PTPRD: variants seen among roughly 807,000 people sequenced by gnomAD.
PTPRD encodes protein tyrosine phosphatase receptor type D, also known as receptor-type tyrosine-protein phosphatase delta.
Under a neutral mutation model 214.5 loss-of-function variants are expected in PTPRD, and 34 were observed. The observed-to-expected ratio is 0.16, with a 90% CI of 0.12 to 0.21. The LOEUF (loss-of-function observed/expected upper bound fraction) is 0.21. Ranked by LOEUF, PTPRD falls within the 10% of genes least tolerant of loss-of-function variation. The pLI, the probability that PTPRD is intolerant of heterozygous loss-of-function variation, is 1.00. For synonymous variants in PTPRD, 1,128 were observed against 845.7 expected, an observed-to-expected ratio of 1.33 and a Z score of -5.79; for missense variants, 2,545 against 2,398.7, an observed-to-expected ratio of 1.06 and a Z score of -1.27.
chr9:8,723,306 ACACCTT>A (rs574541207), intron 12 of PTPRD, among the ~76,000 whole-genome samples: 1 of 152,060 alleles, frequency 6.6e-6, no homozygotes, highest in Non-Finnish European at 1.5e-5. Flanking sequence ...TCACTCAGTA[ACACCTT>A]CCTTGACATA....
chr9:8,553,973 G>A (rs1051287410), intron 14 of PTPRD, among the ~76,000 whole-genome samples: 1 of 152,118 alleles, frequency 6.6e-6, no homozygotes, highest in Admixed American at 6.5e-5. Flanking sequence ...CAGATCACGA[G>A]GTCAGGAGTT....
chr9:9,997,006 A>G (rs747290822), intron 4 of PTPRD, among the ~76,000 whole-genome samples: 8 of 152,218 alleles, frequency 5.3e-5, no homozygotes, highest in Non-Finnish European at 1.0e-4. Flanking sequence ...CTATCTTTGA[A>G]GAAGCCCAGG....
intron 39 of PTPRD, among the ~76,000 whole-genome samples, chr9:8,358,943 TA>T (rs1243127285): frequency 6.7e-6 from 1 of 150,088 alleles, no homozygotes; most frequent in Non-Finnish European, 1.5e-5. Flanking sequence ...CCGTCTCTAC[TA>T]AAAATACAAA....
At chr9:10,563,032 C>A (rs1036351939) in intron 2 of PTPRD, among the ~76,000 whole-genome samples, 2 of 152,176 alleles carry the variant, frequency 1.3e-5, no homozygotes, top group African/African-American at 4.8e-5. Context: ...GAGGCTACTA[C>A]AGAGCCTAGA....
chr9:8,638,953 C>A (rs1403501251), intron 12 of PTPRD, among the ~76,000 whole-genome samples: 1 of 152,180 alleles, frequency 6.6e-6, no homozygotes, highest in African/African-American at 2.4e-5. Context: ...AGCGATTCTC[C>A]TGCCTCAGCC....
chr9:9,921,698 C>T (rs560898119), intron 5 of PTPRD, among the ~76,000 whole-genome samples: 1 of 148,460 alleles, frequency 6.7e-6, no homozygotes, highest in South Asian at 2.1e-4. Context: ...TTTCCTTCTC[C>T]AAGCTTCAGA....
chr9:9,525,625 C>G (rs1487487464), intron 8 of PTPRD, among the ~76,000 whole-genome samples: 1 of 151,048 alleles, frequency 6.6e-6, no homozygotes, highest in African/African-American at 2.4e-5. Flanking sequence ...TTTTCAAATA[C>G]AAGTGATTAA....
chr9:8,832,005 CAGAT>C (rs1212179816), intron 11 of PTPRD, among the ~76,000 whole-genome samples: 1 of 151,946 alleles, frequency 6.6e-6, no homozygotes, highest in African/African-American at 2.4e-5. Context: ...AACAGCATGA[CAGAT>C]AAAAGGCAAC....
chr9:10,590,664 T>G (rs1039845465), intron 2 of PTPRD, among the ~76,000 whole-genome samples: 2 of 151,984 alleles, frequency 1.3e-5, no homozygotes, highest in Non-Finnish European at 2.9e-5. Flanking sequence ...TTTATTGCTG[T>G]ATAGTATTCC....
intron 11 of PTPRD, among the ~76,000 whole-genome samples, chr9:8,757,681 T>C (rs1265149421): frequency 1.0e-4 from 15 of 147,912 alleles, no homozygotes; most frequent in African/African-American, 1.5e-4. Flanking sequence ...CATATATATA[T>C]ATACATAAAA....
At chr9:10,125,772 G>C (rs188730279) in intron 3 of PTPRD, among the ~76,000 whole-genome samples, 60 of 151,934 alleles carry the variant, frequency 3.9e-4, no homozygotes, top group African/African-American at 1.4e-3. Context: ...GTGAGCCACC[G>C]CACCCATCTT....
intron 5 of PTPRD, among the ~76,000 whole-genome samples, chr9:9,821,392 T>C (rs571187832): frequency 3.3e-5 from 5 of 152,324 alleles, no homozygotes; most frequent in Non-Finnish European, 7.4e-5. Flanking sequence ...CATTTGTGTG[T>C]GGCTTTCCCT....
rs2135641101 is a variant in PTPRD at position 8,389,269 on chromosome 9, G to A, written c.4349C>T (p.Thr1450Ile). 3 of 1,612,180 alleles carry A rather than the reference G, an allele frequency of 1.9e-6. No individual in the cohort carries two copies. The highest frequency in any genetic ancestry group is 2.5e-6 in the Non-Finnish European group (3 of 1,179,040). The stretch of plus-strand genomic sequence containing the variant: ...TTCTAGTTTTGTCATCATGACAACT[G>A]TGGCACTCCGTTGTTCCCATATCAT... ...WRMIWEQRSA[T>I]VVMMTKLEER... Residue 1450 changes from threonine (T) to isoleucine (I), a missense_variant, in exon 37 of 46, where the codon ACA becomes ATA. Coordinates refer to ENST00000381196, the MANE Select transcript of PTPRD (RefSeq NM_002839.4).
At chr9:9,874,186 A>G (rs75287863) in intron 5 of PTPRD, among the ~76,000 whole-genome samples, 12,841 of 152,174 alleles carry the variant, frequency 0.084, 1,297 homozygotes, top group African/African-American at 0.25. Flanking sequence ...TGTCAAGGGG[A>G]CATGCCAGTG....
chr9:8,910,330 C>T (rs1200938361), intron 11 of PTPRD, among the ~76,000 whole-genome samples: 4 of 152,110 alleles, frequency 2.6e-5, no homozygotes, highest in Non-Finnish European at 2.9e-5. Flanking sequence ...AGCCACCGCA[C>T]CTGGCCTTTA....
intron 9 of PTPRD, among the ~76,000 whole-genome samples, chr9:9,339,542 A>G (rs527888300): frequency 1.7e-4 from 26 of 152,240 alleles, no homozygotes; most frequent in African/African-American, 5.8e-4. Context: ...TATTTCTATA[A>G]CCTGCAATAA....
At chr9:9,482,944 T>C (rs973519474) in intron 8 of PTPRD, among the ~76,000 whole-genome samples, 29 of 152,200 alleles carry the variant, frequency 1.9e-4, no homozygotes, top group Admixed American at 1.8e-3. Flanking sequence ...AATAGTTTCT[T>C]AAGTAAAGCC....
At chr9:9,228,532 C>G (rs1459532613) in intron 9 of PTPRD, among the ~76,000 whole-genome samples, 1 of 151,942 alleles carries the variant, frequency 6.6e-6, no homozygotes, top group East Asian at 1.9e-4. Context: ...TAATCTACTA[C>G]TGTATCTTTT....
At chr9:9,412,647 G>A (rs571433577) in intron 8 of PTPRD, among the ~76,000 whole-genome samples, 47 of 152,180 alleles carry the variant, frequency 3.1e-4, no homozygotes, top group Middle Eastern at 3.4e-3. Context: ...TCCCAAATTT[G>A]TCTTCATACA....
Sources: gnomAD v4.1 joint callset for allele counts (sites outside exome capture counted in the v4.1 genomes callset) on GRCh38, gnomAD v4.1.1 for gene constraint, MANE v1.5 for transcripts, NCBI Gene and HGNC (gene_info 2026-07-23, HGNC 2026-07-21) for gene names.